Variants in LDB2 observed in about 807,000 individuals in gnomAD.
LDB2 encodes the protein LIM domain-binding protein 2.
LDB2 carries 12 observed loss-of-function variants against 44.3 expected under a neutral mutation model. The observed-to-expected ratio is 0.27, with a 90% CI of 0.17 to 0.44. The LOEUF (loss-of-function observed/expected upper bound fraction) is 0.44, where lower values mean the gene tolerates loss of function less well. Ranked by LOEUF, LDB2 falls within the 20% of genes least tolerant of loss-of-function variation. The pLI is 1.00. For missense variants in LDB2, 344 were observed against 473.5 expected (o/e 0.73, Z 2.54); for synonymous variants, 164 against 174.8 (o/e 0.94, Z 0.49).
At chr4:16,744,276 C>G (rs553122455) in intron 2 of LDB2, among the ~76,000 whole-genome samples, 1 of 151,862 alleles carries the variant, frequency 6.6e-6, no homozygotes, top group African/African-American at 2.4e-5. Flanking sequence ...CGTGCCTCAG[C>G]CTCCCGAGTA....
At chr4:16,624,430 A>C (rs1399895165) in intron 2 of LDB2, among the ~76,000 whole-genome samples, 1 of 152,156 alleles carries the variant, frequency 6.6e-6, no homozygotes, top group Non-Finnish European at 1.5e-5. Flanking sequence ...ATAAATAAAC[A>C]AAAAATAAAA....
At chr4:16,520,298 G>GT (rs1725546618) in intron 5 of LDB2, among the ~76,000 whole-genome samples, 1 of 147,094 alleles carries the variant, frequency 6.8e-6, no homozygotes, top group South Asian at 2.1e-4. Context: ...GAATCTAAAA[G>GT]AAAAAAAAAA....
At position 16,563,429 on chromosome 4, in the gene LDB2, A is replaced by ATTTTTT. The variant is rs1169491759; in HGVS notation, c.615+22487_615+22492dup. 3.0e-4 allele frequency among the ~76,000 whole-genome samples: 14 copies of ATTTTTT among 46,576 alleles called. 3 individuals are homozygous for ATTTTTT. The highest frequency in any genetic ancestry group is 2.6e-3 in the East Asian group (5 of 1,910). The allele number at this position is 46,576 out of a possible 152,430, so 30.6% of individuals were successfully genotyped here. A position where few individuals can be genotyped will look rare whatever the true frequency, so the allele number is the denominator to read the frequency against. ...TCAAAACCATCTCATCAGTCATCAGATTTTTTTTTTTTTTTTTTTTTTTTT... is the reference window on the plus strand; with the variant it reads ...TCAAAACCATCTCATCAGTCATCAGATTTTTTTTTTTTTTTTTTTTTTTTTTTTTTT... On this transcript the variant is annotated intron_variant, in intron 5 of 7. Coordinates refer to ENST00000304523, the MANE Select transcript of LDB2 (RefSeq NM_001290.5).
At chr4:16,592,576 G>A (rs1432577718) in intron 3 of LDB2, among the ~76,000 whole-genome samples, 1 of 150,188 alleles carries the variant, frequency 6.7e-6, no homozygotes, top group Non-Finnish European at 1.5e-5. Flanking sequence ...GTCAGGAGAA[G>A]AGAAGAAATT....
chr4:16,737,710 G>GTAT (rs2108978527), intron 2 of LDB2, among the ~76,000 whole-genome samples: 1 of 152,232 alleles, frequency 6.6e-6, no homozygotes, highest in Non-Finnish European at 1.5e-5. Flanking sequence ...GAATGTTTCT[G>GTAT]ATTCTGTAAA....
chr4:16,742,316 C>A (rs1763465751), intron 2 of LDB2, among the ~76,000 whole-genome samples: 1 of 152,144 alleles, frequency 6.6e-6, no homozygotes, highest in Non-Finnish European at 1.5e-5. Flanking sequence ...GTGATCCGCC[C>A]ACCTTGGCCT....
chr4:16,578,208 T>A (rs928662596), intron 5 of LDB2, among the ~76,000 whole-genome samples: 3 of 151,950 alleles, frequency 2.0e-5, no homozygotes, highest in African/African-American at 7.3e-5. Flanking sequence ...ACAAAAGAGG[T>A]CACATCAAGT....
chr4:16,515,338 G>C (rs1025938671), intron 5 of LDB2, among the ~76,000 whole-genome samples: 2 of 152,178 alleles, frequency 1.3e-5, no homozygotes, highest in Non-Finnish European at 2.9e-5. Context: ...CACTATTTGA[G>C]TGACGGTGTC....
At chr4:16,508,439 T>TC (rs1480236766) in intron 7 of LDB2, 96 bp downstream of exon 7, 3 of 1,198,810 alleles carry the variant, frequency 2.5e-6, no homozygotes, top group Non-Finnish European at 3.3e-6. Context: ...CCCAGGATTT[T>TC]TTTTTTTTTT....
chr4:16,698,029 A>G (rs958588237), intron 2 of LDB2, among the ~76,000 whole-genome samples: 10 of 152,212 alleles, frequency 6.6e-5, no homozygotes, highest in Non-Finnish European at 1.2e-4. Flanking sequence ...AAACAAAATG[A>G]TAATTTGTGC....
At chr4:16,726,970 C>A (rs1375308460) in intron 2 of LDB2, among the ~76,000 whole-genome samples, 3 of 152,098 alleles carry the variant, frequency 2.0e-5, no homozygotes, top group African/African-American at 7.2e-5. Flanking sequence ...TATTTCTTAA[C>A]AATGTTCACA....
At chr4:16,897,928 A>ACACACATATG (rs2110583451) in intron 1 of LDB2, among the ~76,000 whole-genome samples, 1 of 17,578 alleles carries the variant, frequency 5.7e-5, no homozygotes, top group South Asian at 1.2e-3. Flanking sequence ...ATATATATAT[A>ACACACATATG]TATATATATA....
chr4:16,775,451 G>T (rs1771680886), intron 1 of LDB2, among the ~76,000 whole-genome samples: 1 of 151,732 alleles, frequency 6.6e-6, no homozygotes, highest in African/African-American at 2.4e-5. Context: ...TGTAAAAAAT[G>T]GTAATAATAA....
At chr4:16,712,134 C>T (rs553325923) in intron 2 of LDB2, among the ~76,000 whole-genome samples, 15 of 152,220 alleles carry the variant, frequency 9.9e-5, no homozygotes, top group Middle Eastern at 3.4e-3. Context: ...ACAGTACACA[C>T]GCTTGGAGAA....
intron 5 of LDB2, among the ~76,000 whole-genome samples, chr4:16,581,865 T>C (rs1216365010): frequency 6.6e-6 from 1 of 151,180 alleles, no homozygotes; most frequent in Non-Finnish European, 1.5e-5. Flanking sequence ...AAATAGTTCT[T>C]ACCCCATATG....
intron 1 of LDB2, among the ~76,000 whole-genome samples, chr4:16,814,092 G>C (rs187745055): frequency 5.9e-5 from 9 of 152,010 alleles, no homozygotes; most frequent in Non-Finnish European, 1.3e-4. Context: ...GGATGGTCTC[G>C]ATCTCCTGAC....
At chr4:16,870,423 A>G (rs1405465980) in intron 1 of LDB2, among the ~76,000 whole-genome samples, 1 of 149,082 alleles carries the variant, frequency 6.7e-6, no homozygotes, top group Non-Finnish European at 1.5e-5. Context: ...CACAAAGCTA[A>G]TTAGGGGCTC....
chr4:16,760,034 G>T (rs1313801104), intron 1 of LDB2, among the ~76,000 whole-genome samples: 5 of 152,140 alleles, frequency 3.3e-5, no homozygotes, highest in Non-Finnish European at 7.3e-5. Context: ...GGAGAAGAAG[G>T]CCCCTCTCAC....
chr4:16,510,790 G>A (rs968297805), intron 6 of LDB2, among the ~76,000 whole-genome samples: 1 of 152,108 alleles, frequency 6.6e-6, no homozygotes, highest in African/African-American at 2.4e-5. Context: ...ATTCAGTTTT[G>A]TAACTCCCAG....
Sources: gnomAD v4.1 joint callset for allele counts (sites outside exome capture counted in the v4.1 genomes callset) on GRCh38, gnomAD v4.1.1 for gene constraint, MANE v1.5 for transcripts, NCBI Gene and HGNC (gene_info 2026-07-23, HGNC 2026-07-21) for gene names.